TMEM131L: variants seen among roughly 807,000 people sequenced by gnomAD.
The protein encoded by TMEM131L is transmembrane protein 131-like.
A neutral mutation model predicts 192.2 loss-of-function variants in TMEM131L; 54 were observed. That is an observed-to-expected ratio of 0.28 (90% CI 0.23 to 0.35). TMEM131L has a LOEUF of 0.35. Ranked by LOEUF, TMEM131L falls within the 10% of genes least tolerant of loss-of-function variation. The pLI is 1.00. For synonymous variants in TMEM131L, 701 were observed against 704.9 expected, an observed-to-expected ratio of 0.99 and a Z score of 0.09; for missense variants, 1,888 against 1,972.9, an observed-to-expected ratio of 0.96 and a Z score of 0.82.
At chr4:153,583,435 G>A in intron 10 of TMEM131L, 129 bp from the exon 11 acceptor site, 1 of 787,814 alleles carries the variant, frequency 1.3e-6, no homozygotes, top group Non-Finnish European at 2.2e-6. Flanking sequence ...CCTCCATATG[G>A]TTATGGCACA....
chr4:153,483,868 G>A (rs1019937618), intron 3 of TMEM131L, among the ~76,000 whole-genome samples: 2 of 152,156 alleles, frequency 1.3e-5, no homozygotes, highest in African/African-American at 4.8e-5. Flanking sequence ...TTATGCAGTG[G>A]ACATTGTGCT....
chr4:153,617,024 T>C (rs566081495), intron 26 of TMEM131L, among the ~76,000 whole-genome samples: 1 of 152,378 alleles, frequency 6.6e-6, no homozygotes, highest in African/African-American at 2.4e-5. Flanking sequence ...ATGGTTTGTC[T>C]GTGTCCCTAC....
At chr4:153,594,968 C>T (rs1194213751) in intron 19 of TMEM131L, among the ~76,000 whole-genome samples, 4 of 152,104 alleles carry the variant, frequency 2.6e-5, no homozygotes, top group South Asian at 2.1e-4. Flanking sequence ...AAATAATGCC[C>T]GTTTATTTTA....
At chr4:153,614,452 C>T (rs1271072588) in intron 26 of TMEM131L, among the ~76,000 whole-genome samples, 2 of 152,072 alleles carry the variant, frequency 1.3e-5, no homozygotes, top group African/African-American at 4.8e-5. Context: ...GAGGATTTGG[C>T]CTGACGATTG....
At chr4:153,631,600 C>T (rs1182978632) in intron 31 of TMEM131L, among the ~76,000 whole-genome samples, 1 of 152,204 alleles carries the variant, frequency 6.6e-6, no homozygotes, top group Non-Finnish European at 1.5e-5. Context: ...TGTTCCGAGG[C>T]TTTTGCTTAG....
At chr4:153,593,504 A>G (rs1731213803) in intron 18 of TMEM131L, among the ~76,000 whole-genome samples, 1 of 152,072 alleles carries the variant, frequency 6.6e-6, no homozygotes, top group Admixed American at 6.5e-5. Flanking sequence ...GTTGCTTTAT[A>G]TTTAGAGCTT....
At chr4:153,561,124 TG>T (rs1728821472) in intron 7 of TMEM131L, among the ~76,000 whole-genome samples, 1 of 152,258 alleles carries the variant, frequency 6.6e-6, no homozygotes, top group African/African-American at 2.4e-5. Flanking sequence ...TTTGCATTTT[TG>T]TAATGACTAA....
chr4:153,616,596 C>CT (rs1247401361), intron 26 of TMEM131L, among the ~76,000 whole-genome samples: 3 of 152,096 alleles, frequency 2.0e-5, no homozygotes, highest in African/African-American at 7.2e-5. Context: ...TTTAAGCAGA[C>CT]TTTTTTCCCT....
At chr4:153,579,394 T>G (rs989696588) in intron 7 of TMEM131L, among the ~76,000 whole-genome samples, 7 of 152,228 alleles carry the variant, frequency 4.6e-5, no homozygotes, top group Admixed American at 4.6e-4. Flanking sequence ...ATTATTCTAT[T>G]TAAGAATACT....
intron 4 of TMEM131L, among the ~76,000 whole-genome samples, chr4:153,550,825 C>T (rs899745500): frequency 7.9e-5 from 12 of 152,186 alleles, no homozygotes; most frequent in African/African-American, 2.7e-4. Flanking sequence ...AAAATTGCAC[C>T]ATGCTTACAG....
intron 3 of TMEM131L, among the ~76,000 whole-genome samples, chr4:153,515,039 C>G (rs556964663): frequency 6.6e-6 from 1 of 152,220 alleles, no homozygotes; most frequent in East Asian, 1.9e-4. Context: ...CTCGAACTCC[C>G]GACCTCAGGT....
chr4:153,500,999 A>G (rs914146130), intron 3 of TMEM131L, among the ~76,000 whole-genome samples: 2 of 152,170 alleles, frequency 1.3e-5, no homozygotes, highest in African/African-American at 4.8e-5. Context: ...AAAATTCTGG[A>G]AGATAGAAAG....
intron 7 of TMEM131L, among the ~76,000 whole-genome samples, chr4:153,560,444 CT>C (rs1231993582): frequency 6.6e-6 from 1 of 152,210 alleles, no homozygotes. Flanking sequence ...TGTTTCTTTT[CT>C]TTTTTGTATT....
chr4:153,583,727 GGCAACTCTTTCT>G, intron 11 of TMEM131L, 55 bp downstream of exon 11: 1 of 1,009,606 alleles, frequency 9.9e-7, no homozygotes, highest in Non-Finnish European at 1.5e-6. Context: ...TTGTCATGAT[GGCAACTCTTTCT>G]ACAACTACAG....
chr4:153,631,123 C>T (rs1202894010), intron 31 of TMEM131L, among the ~76,000 whole-genome samples: 1 of 152,210 alleles, frequency 6.6e-6, no homozygotes, highest in African/African-American at 2.4e-5. Flanking sequence ...TGGTTGTGGT[C>T]CTTTTCAGTT....
intron 2 of TMEM131L, among the ~76,000 whole-genome samples, chr4:153,473,045 G>T (rs143682223): frequency 6.6e-6 from 1 of 152,142 alleles, no homozygotes; most frequent in African/African-American, 2.4e-5. Flanking sequence ...ATTTTCCCTC[G>T]GACATTTTAA....
rs563756316 is a variant in TMEM131L, at chr4:153,506,280, G to A, written c.239+32392G>A. ...CAAGGATTCCTTGCAAAAAAAGATCGTATGGTTTACGGGGACAAAATAATT... is the reference window on the plus strand; with the variant it reads ...CAAGGATTCCTTGCAAAAAAAGATCATATGGTTTACGGGGACAAAATAATT... On this transcript the variant is annotated intron_variant, in intron 3 of 34. Coordinates refer to ENST00000409959, the MANE Select transcript of TMEM131L (RefSeq NM_001131007.2). 1.3e-4 allele frequency among the ~76,000 whole-genome samples: 20 copies of A among 152,240 alleles called. No homozygotes were observed. The South Asian group carries it at 2.9e-3, about 22-fold the overall frequency.
At chr4:153,485,399 ACTT>A (rs1301746233) in intron 3 of TMEM131L, among the ~76,000 whole-genome samples, 1 of 152,180 alleles carries the variant, frequency 6.6e-6, no homozygotes, top group East Asian at 1.9e-4. Context: ...TTAAAACTGA[ACTT>A]CTTCTGTAGG....
chr4:153,522,524 C>T (rs1038852900), intron 3 of TMEM131L, among the ~76,000 whole-genome samples: 5 of 152,112 alleles, frequency 3.3e-5, no homozygotes, highest in East Asian at 1.9e-4. Flanking sequence ...GAAGCGTGAC[C>T]CTTCCCCCTG....
Sources: gnomAD v4.1 joint callset for allele counts (sites outside exome capture counted in the v4.1 genomes callset) on GRCh38, gnomAD v4.1.1 for gene constraint, MANE v1.5 for transcripts, NCBI Gene and HGNC (gene_info 2026-07-23, HGNC 2026-07-21) for gene names.